CACNA2D3: variants seen among roughly 807,000 people sequenced by gnomAD.
CACNA2D3 encodes the protein calcium voltage-gated channel auxiliary subunit alpha2delta 3.
Under a neutral mutation model 160.6 loss-of-function variants are expected in CACNA2D3, and 60 were observed. The observed-to-expected ratio is 0.37, with a 90% confidence interval of 0.30 to 0.46. The LOEUF (loss-of-function observed/expected upper bound fraction) is 0.46. Among genes scored for constraint, CACNA2D3 ranks in the 20% least tolerant of loss-of-function variants. The pLI is 1.00. For missense variants in CACNA2D3, 1,205 were observed against 1,365.0 expected (o/e 0.88, Z 1.85); for synonymous variants, 558 against 492.9 (o/e 1.13, Z -1.75).
intron 9 of CACNA2D3, among the ~76,000 whole-genome samples, chr3:54,603,392 T>G (rs1284436984): frequency 6.6e-6 from 1 of 152,196 alleles, no homozygotes; most frequent in Non-Finnish European, 1.5e-5. Context: ...CCAACCCCTT[T>G]CTTTCTTTCA....
At chr3:54,713,069 T>A (rs1559556198) in intron 11 of CACNA2D3, among the ~76,000 whole-genome samples, 1 of 152,220 alleles carries the variant, frequency 6.6e-6, no homozygotes, top group Non-Finnish European at 1.5e-5. Flanking sequence ...ACTCCTGTAA[T>A]GGCTTAGAAC....
chr3:54,654,540 A>G (rs1001299122), intron 11 of CACNA2D3, among the ~76,000 whole-genome samples: 3 of 152,120 alleles, frequency 2.0e-5, no homozygotes, highest in African/African-American at 7.2e-5. Context: ...CACCACCTCA[A>G]TAGTTCGTAT....
In CACNA2D3 at chr3:54,128,162, TTTAA is replaced by T. The variant is rs895353311; in HGVS notation, c.204+4579_204+4582del. Among the ~76,000 whole-genome samples the T allele has an allele frequency of 6.6e-5, 10 of 152,294 alleles. No individual in the cohort carries two copies. The East Asian group carries it at 9.6e-4, about 15-fold the overall frequency. ...ATTAGCATGGTGATCGCATGCTGAT[TTTAA>T]TTAATTAATTCTAACACTACTGCAA... On this transcript the variant is annotated intron_variant, in intron 2 of 37. Coordinates refer to ENST00000474759, the MANE Select transcript of CACNA2D3 (RefSeq NM_018398.3).
intron 4 of CACNA2D3, among the ~76,000 whole-genome samples, chr3:54,433,027 A>C (rs1700011612): frequency 6.6e-6 from 1 of 152,232 alleles, no homozygotes; most frequent in Non-Finnish European, 1.5e-5. Context: ...AACACATTTT[A>C]ATCAGAATAT....
At chr3:54,316,105 G>A (rs1393946918) in intron 2 of CACNA2D3, among the ~76,000 whole-genome samples, 1 of 149,994 alleles carries the variant, frequency 6.7e-6, no homozygotes, top group African/African-American at 2.4e-5. Flanking sequence ...GCACGTGTGT[G>A]TGAGATTAGT....
At chr3:54,428,483 T>A (rs1429503489) in intron 4 of CACNA2D3, among the ~76,000 whole-genome samples, 1 of 152,220 alleles carries the variant, frequency 6.6e-6, no homozygotes, top group Admixed American at 6.5e-5. Context: ...TCGCTGATGA[T>A]TCGCACCAGT....
intron 27 of CACNA2D3, among the ~76,000 whole-genome samples, chr3:54,927,490 C>T (rs1406326477): frequency 6.6e-6 from 1 of 152,164 alleles, no homozygotes; most frequent in Non-Finnish European, 1.5e-5. Context: ...TAATTAGTTG[C>T]AGGAAATTAA....
At chr3:54,856,762 G>A (rs1699180359) in intron 17 of CACNA2D3, among the ~76,000 whole-genome samples, 1 of 152,132 alleles carries the variant, frequency 6.6e-6, no homozygotes, top group Admixed American at 6.6e-5. Context: ...CCTTTCTTAA[G>A]GATGATGGTT....
At chr3:54,142,501 C>T (rs781400415) in intron 2 of CACNA2D3, among the ~76,000 whole-genome samples, 20 of 152,198 alleles carry the variant, frequency 1.3e-4, no homozygotes, top group Non-Finnish European at 2.9e-4. Flanking sequence ...TTGTAGTATC[C>T]GTGGGCCCTT....
At chr3:54,510,631 C>G (rs1018900240) in intron 5 of CACNA2D3, among the ~76,000 whole-genome samples, 8 of 152,190 alleles carry the variant, frequency 5.3e-5, no homozygotes, top group African/African-American at 1.4e-4. Flanking sequence ...TACCATGGAG[C>G]TCTTCCCAGA....
rs1440398848 is a variant in CACNA2D3 at position 54,320,439 on chromosome 3, C to T, written c.205-3C>T. 6.1e-6 allele frequency: 9 copies of T among 1,482,590 alleles called. No homozygotes were observed. In the Admixed American group the frequency reaches 1.6e-4, roughly 27 times the overall value. The allele number at this position is 1,482,590 out of a possible 1,614,324, so 91.8% of individuals were successfully genotyped here. ...TCTTGAATGTTGCCCTCTCTTCTTACAGAAATACAAAGAGTATGAGAAAGA... is the reference window on the plus strand; with the variant it reads ...TCTTGAATGTTGCCCTCTCTTCTTATAGAAATACAAAGAGTATGAGAAAGA... On this transcript the variant is annotated splice_region_variant and splice_polypyrimidine_tract_variant and intron_variant, in intron 2 of 37. Transcript: ENST00000474759.
intron 20 of CACNA2D3, among the ~76,000 whole-genome samples, chr3:54,880,263 G>A (rs1699762230): frequency 6.6e-6 from 1 of 152,174 alleles, no homozygotes; most frequent in Admixed American, 6.5e-5. Flanking sequence ...AAAACGGAAT[G>A]GATCTTAAAT....
At chr3:54,630,496 T>C (rs1699212034) in intron 10 of CACNA2D3, among the ~76,000 whole-genome samples, 1 of 152,226 alleles carries the variant, frequency 6.6e-6, no homozygotes, top group African/African-American at 2.4e-5. Context: ...ATCCTCCTCT[T>C]GCAGACTCAC....
At chr3:54,461,847 T>C (rs1700511256) in intron 4 of CACNA2D3, among the ~76,000 whole-genome samples, 1 of 152,256 alleles carries the variant, frequency 6.6e-6, no homozygotes, top group Non-Finnish European at 1.5e-5. Flanking sequence ...TTTGCTTTTC[T>C]AGTTCTTTTA....
At chr3:54,669,190 A>G (rs1700117383) in intron 11 of CACNA2D3, among the ~76,000 whole-genome samples, 1 of 152,170 alleles carries the variant, frequency 6.6e-6, no homozygotes, top group African/African-American at 2.4e-5. Flanking sequence ...GCTTGGCTTA[A>G]TGCTCTGCTA....
At chr3:54,802,274 G>A (rs1703008802) in intron 13 of CACNA2D3, among the ~76,000 whole-genome samples, 2 of 152,022 alleles carry the variant, frequency 1.3e-5, no homozygotes, top group Admixed American at 1.3e-4. Flanking sequence ...TAGCAGACTG[G>A]CACTCATGGG....
At chr3:54,330,883 C>T (rs1366792641) in intron 3 of CACNA2D3, among the ~76,000 whole-genome samples, 2 of 152,202 alleles carry the variant, frequency 1.3e-5, no homozygotes, top group African/African-American at 2.4e-5. Flanking sequence ...GGGGATAGTG[C>T]ATCAGCTTGC....
In CACNA2D3 at chr3:54,367,861, G is replaced by A. The variant is rs142197746; in HGVS notation, c.322-18854G>A. 3.6e-3 allele frequency among the ~76,000 whole-genome samples: 553 copies of A among 152,156 alleles called. 3 individuals carry two copies. Among genetic ancestry groups the A allele is most frequent in the African/African-American group, 0.012 (515 of 41,518 alleles). ...GACCAAGAAACGTTTTCTGCCATCC[G>A]CATGGCCTAGAGCCTTGCCCACCTT... On this transcript the variant is annotated intron_variant, in intron 3 of 37. Transcript: ENST00000474759.
chr3:54,344,508 C>G (rs1167924554), intron 3 of CACNA2D3, among the ~76,000 whole-genome samples: 1 of 152,188 alleles, frequency 6.6e-6, no homozygotes, highest in Non-Finnish European at 1.5e-5. Context: ...TATCCCCATA[C>G]AATTCTTTTC....
Sources: gnomAD v4.1 joint callset for allele counts (sites outside exome capture counted in the v4.1 genomes callset) on GRCh38, gnomAD v4.1.1 for gene constraint, MANE v1.5 for transcripts, NCBI Gene and HGNC (gene_info 2026-07-23, HGNC 2026-07-21) for gene names.